Variants in PNKD observed in about 807,000 individuals in gnomAD.
PNKD encodes the protein PNKD metallo-beta-lactamase domain containing, also known as probable thioesterase PNKD.
Under a neutral mutation model 45.3 loss-of-function variants are expected in PNKD, and 36 were observed. The ratio of observed to expected loss-of-function variants is 0.80; its 90% CI spans 0.61 to 1.05. PNKD has a LOEUF of 1.05. PNKD is among the 50% of genes least tolerant of loss of function. The pLI is 0.00. For missense variants in PNKD, 511 were observed against 506.6 expected (o/e 1.01, Z -0.08); for synonymous variants, 197 against 210.1 (o/e 0.94, Z 0.54).
Position 218,340,883 on chromosome 2 carries a change from C to T in PNKD, c.524+97C>T. 9.9e-7 allele frequency: 1 copy of T among 1,011,010 alleles called. No homozygotes were observed. The highest frequency in any genetic ancestry group is 1.7e-5 in the Admixed American group (1 of 58,784). The allele number at this position is 1,011,010 out of a possible 1,614,324, so 62.6% of individuals were successfully genotyped here. ...CGGCCGGGGCCAGAGATCAAGAAGT[C>T]AGTACGGGCCGGCACCCGCCTTCCT... On this transcript the variant is annotated intron_variant, in intron 5 of 9. Coordinates refer to ENST00000273077, the MANE Select transcript of PNKD (RefSeq NM_015488.5). The surrounding 1 kb of genome is among the most constrained non-coding windows in gnomAD (Gnocchi z 4.2).
At chr2:218,285,394 A>G (rs1030584750) in intron 2 of PNKD, among the ~76,000 whole-genome samples, 1 of 152,228 alleles carries the variant, frequency 6.6e-6, no homozygotes, top group Non-Finnish European at 1.5e-5. Context: ...CACTTCTGCC[A>G]TAGCTTCCAT....
intron 2 of PNKD, chr2:218,282,126 C>T (rs563430731): frequency 1.4e-5 from 21 of 1,512,904 alleles, no homozygotes; most frequent in East Asian, 1.3e-4. Context: ...GGTGGTGGGG[C>T]GCTGGGGTTG....
At chr2:218,288,929 C>T (rs1692733557) in intron 2 of PNKD, among the ~76,000 whole-genome samples, 1 of 152,202 alleles carries the variant, frequency 6.6e-6, no homozygotes, top group Admixed American at 6.5e-5. Context: ...TTCTTACCCT[C>T]ATCCCACTCT....
At chr2:218,324,099 C>T (rs1260907596) in intron 2 of PNKD, among the ~76,000 whole-genome samples, 1 of 152,206 alleles carries the variant, frequency 6.6e-6, no homozygotes, top group Non-Finnish European at 1.5e-5. Flanking sequence ...CTCCCCCGCT[C>T]ACTCTGCCCT....
At chr2:218,310,389 A>AT (rs1693568412) in intron 2 of PNKD, among the ~76,000 whole-genome samples, 1 of 150,108 alleles carries the variant, frequency 6.7e-6, no homozygotes, top group African/African-American at 2.5e-5. Context: ...TGCCTGGCTA[A>AT]TTTTTTTTAT....
At chr2:218,285,209 T>G (rs534382444) in intron 2 of PNKD, among the ~76,000 whole-genome samples, 5 of 152,356 alleles carry the variant, frequency 3.3e-5, no homozygotes, top group Admixed American at 2.6e-4. Context: ...AAGTTAATAC[T>G]GTTATTATTA....
chr2:218,294,360 A>G (rs780572452), intron 2 of PNKD, among the ~76,000 whole-genome samples: 6 of 152,228 alleles, frequency 3.9e-5, no homozygotes, highest in Non-Finnish European at 5.9e-5. Context: ...TATTGCTCAC[A>G]GTTCTGGAGG....
intron 2 of PNKD, chr2:218,323,441 C>A (rs769956943): frequency 6.9e-7 from 1 of 1,449,352 alleles, no homozygotes; most frequent in Non-Finnish European, 9.2e-7. Context: ...GGTTAGTGCC[C>A]GGGCTCCGAA....
chr2:218,319,558 T>G (rs750149472), intron 2 of PNKD, among the ~76,000 whole-genome samples: 26 of 151,800 alleles, frequency 1.7e-4, no homozygotes, highest in Admixed American at 1.2e-3. Context: ...GTATCTTTAG[T>G]AGAGACAGGG....
intron 2 of PNKD, among the ~76,000 whole-genome samples, chr2:218,314,203 G>A (rs1228984585): frequency 5.6e-5 from 8 of 144,078 alleles, no homozygotes; most frequent in Admixed American, 3.5e-4. Context: ...GATTACAGGC[G>A]TGAGCCACCG....
chr2:218,311,368 G>A (rs1574686409), intron 2 of PNKD, among the ~76,000 whole-genome samples: 1 of 152,166 alleles, frequency 6.6e-6, no homozygotes, highest in Non-Finnish European at 1.5e-5. Flanking sequence ...CCAAGGGACC[G>A]GCGCTCAGCA....
chr2:218,277,625 G>C, intron 2 of PNKD: 1 of 1,614,174 alleles, frequency 6.2e-7, no homozygotes, highest in South Asian at 1.1e-5. Flanking sequence ...CTTTATCCCT[G>C]AATGTACCTG....
rs1165863687 is a variant in PNKD, at chr2:218,326,263, A to G, written c.237-13520A>G. Among the ~76,000 whole-genome samples the G allele has an allele frequency of 6.6e-6, 1 of 152,138 alleles. No homozygotes were observed. The highest frequency in any genetic ancestry group is 1.5e-5 in the Non-Finnish European group (1 of 68,014). On this transcript the variant is annotated intron_variant, in intron 2 of 9. Transcript: ENST00000273077. This position sits in a 1 kb window ranked among gnomAD's most constrained non-coding sequence, Gnocchi z 4.1. ...TAATCATCATCCCTGGTGTTTGGCA[A>G]TTTAATAAAAGGCTTTCCTTAACCA...
At chr2:218,292,162 A>G (rs1692971845) in intron 2 of PNKD, among the ~76,000 whole-genome samples, 1 of 152,164 alleles carries the variant, frequency 6.6e-6, no homozygotes, top group Non-Finnish European at 1.5e-5. Flanking sequence ...TGCCCGAAAG[A>G]GGGAACACGA....
Position 218,340,806 on chromosome 2 carries a change from C to A in PNKD, c.524+20C>A. 1 of 1,605,922 alleles carries A rather than the reference C, an allele frequency of 6.2e-7. No homozygotes were observed. Among genetic ancestry groups the A allele is most frequent in the Non-Finnish European group, 8.5e-7 (1 of 1,172,472 alleles). On this transcript the variant is annotated intron_variant, in intron 5 of 9. Transcript: ENST00000273077. This position sits in a 1 kb window ranked among gnomAD's most constrained non-coding sequence, Gnocchi z 4.2. ...GCACTGGTAAGGGGCTCCCGTCTTC[C>A]CTGGCCCACCCTTGTCCCAGCTGGG...
At chr2:218,273,446 G>GT (rs11299679) in intron 2 of PNKD, among the ~76,000 whole-genome samples, 25 of 121,666 alleles carry the variant, frequency 2.1e-4, no homozygotes, top group African/African-American at 5.9e-4. Context: ...TACTTTTTGT[G>GT]TTTTTTTTTT....
intron 2 of PNKD, chr2:218,328,024 A>ACT (rs1399018621): frequency 1.3e-5 from 2 of 149,934 alleles, no homozygotes; most frequent in Non-Finnish European, 2.9e-5. Context: ...CTCTGCTCAA[A>ACT]CTCCTCCGGC....
chr2:218,281,850 TAGAAG>T (rs1692034720), intron 2 of PNKD: 2 of 1,011,684 alleles, frequency 2.0e-6, no homozygotes, highest in South Asian at 1.4e-5. Context: ...TAAGGGAAAC[TAGAAG>T]AGAAAAGGGG....
At chr2:218,333,498 C>T (rs1281024614) in intron 2 of PNKD, among the ~76,000 whole-genome samples, 1 of 152,220 alleles carries the variant, frequency 6.6e-6, no homozygotes, top group East Asian at 1.9e-4. Context: ...TAAACATCTT[C>T]CACTTGCCAG....
Sources: gnomAD v4.1 joint callset for allele counts (sites outside exome capture counted in the v4.1 genomes callset) on GRCh38, gnomAD v4.1.1 for gene constraint, Gnocchi (gnomAD v3.1) non-coding constraint, MANE v1.5 for transcripts, NCBI Gene and HGNC (gene_info 2026-07-23, HGNC 2026-07-21) for gene names.